Variants in CDK14 observed in about 807,000 individuals in gnomAD.
The protein encoded by CDK14 is cyclin dependent kinase 14.
In CDK14, 34 loss-of-function variants were observed where a neutral mutation model predicts 60.7. That is an observed-to-expected ratio of 0.56 (90% CI 0.43 to 0.75). The LOEUF is 0.75. CDK14 is among the 30% of genes least tolerant of loss of function. The pLI, the probability that CDK14 is intolerant of heterozygous loss-of-function variation, is 0.00. For synonymous variants in CDK14, 197 were observed against 203.7 expected (o/e 0.97, Z 0.28); for missense variants, 482 against 564.1 (o/e 0.85, Z 1.47).
intron 8 of CDK14, among the ~76,000 whole-genome samples, chr7:90,918,806 G>A (rs962876597): frequency 1.3e-5 from 2 of 152,280 alleles, no homozygotes; most frequent in African/African-American, 4.8e-5. Flanking sequence ...TTAGTAGACT[G>A]TTGAATACCT....
intron 2 of CDK14, among the ~76,000 whole-genome samples, chr7:90,693,223 T>C (rs1006771098): frequency 1.3e-5 from 2 of 152,186 alleles, no homozygotes; most frequent in Non-Finnish European, 2.9e-5. Flanking sequence ...TTAAGATTGA[T>C]GTCTAAAGGT....
chr7:91,152,514 C>A (rs1214215337), intron 14 of CDK14, among the ~76,000 whole-genome samples: 1 of 152,134 alleles, frequency 6.6e-6, no homozygotes, highest in Non-Finnish European at 1.5e-5. Context: ...GTGAAAGTTG[C>A]TTCCAGAATT....
intron 8 of CDK14, among the ~76,000 whole-genome samples, chr7:90,951,837 T>C (rs1432453736): frequency 6.6e-6 from 1 of 152,180 alleles, no homozygotes; most frequent in African/African-American, 2.4e-5. Flanking sequence ...CTGTAGGACA[T>C]CTAGCACCTA....
intron 2 of CDK14, among the ~76,000 whole-genome samples, chr7:90,700,480 T>A (rs1437673376): frequency 1.3e-5 from 2 of 152,154 alleles, no homozygotes; most frequent in African/African-American, 4.8e-5. Context: ...ATCCAGATAA[T>A]CTTCTACCAG....
At chr7:91,100,047 A>G (rs1799107723) in intron 12 of CDK14, among the ~76,000 whole-genome samples, 1 of 152,136 alleles carries the variant, frequency 6.6e-6, no homozygotes, top group Admixed American at 6.5e-5. Context: ...TTGAAGTAAA[A>G]TACTTAATAA....
intron 9 of CDK14, among the ~76,000 whole-genome samples, chr7:90,974,846 A>T (rs1033892340): frequency 6.6e-6 from 1 of 152,186 alleles, no homozygotes; most frequent in Non-Finnish European, 1.5e-5. Context: ...ATAAAATCCC[A>T]ACAGGACTTT....
Position 90,984,153 on chromosome 7 carries a change from T to C in CDK14, c.953T>C (p.Val318Ala). 1 of 1,598,522 alleles carries C rather than the reference T, an allele frequency of 6.3e-7. No individual in the cohort carries two copies. Among genetic ancestry groups the C allele is most frequent in the East Asian group, 2.2e-5 (1 of 44,774 alleles). The change falls in exon 10 of 15, where the codon GTA becomes GCA. Residue 318 changes from valine (V) to alanine (A), a missense_variant. By Grantham distance (64) the Val-to-Ala change is moderately conservative. Coordinates refer to ENST00000380050, the MANE Select transcript of CDK14 (RefSeq NM_001287135.2). ...ATTCTTTCTTCTCTCTCTAGGGGAG[T>C]AGGTTGCATCTTTGTTGAAATGATC... ...EYSTCLDMWG[V>A]GCIFVEMIQG...
intron 14 of CDK14, among the ~76,000 whole-genome samples, chr7:91,176,153 T>A (rs1160340394): frequency 4.0e-5 from 6 of 151,546 alleles, no homozygotes; most frequent in Non-Finnish European, 5.9e-5. Context: ...GGATTAAGAA[T>A]CTCACTCAAA....
At chr7:90,758,709 A>G (rs1804185360) in intron 4 of CDK14, among the ~76,000 whole-genome samples, 1 of 152,210 alleles carries the variant, frequency 6.6e-6, no homozygotes, top group Non-Finnish European at 1.5e-5. Context: ...TACATAAGTA[A>G]TTCTATATAA....
intron 6 of CDK14, among the ~76,000 whole-genome samples, chr7:90,872,677 T>G (rs936845198): frequency 7.1e-6 from 1 of 140,826 alleles, no homozygotes; most frequent in Non-Finnish European, 1.5e-5. Context: ...GTTTACATCA[T>G]ATCTATCATC....
chr7:91,047,331 T>C (rs1378378093), intron 11 of CDK14, among the ~76,000 whole-genome samples: 1 of 152,240 alleles, frequency 6.6e-6, no homozygotes, highest in East Asian at 1.9e-4. Context: ...GCCTAGTTTC[T>C]GGATTAGAAA....
At chr7:90,819,487 T>G (rs186233979) in intron 5 of CDK14, among the ~76,000 whole-genome samples, 1 of 146,582 alleles carries the variant, frequency 6.8e-6, no homozygotes, top group African/African-American at 2.5e-5. Context: ...CCTTTGGAGT[T>G]TTTTTTTTTT....
chr7:90,738,666 C>T (rs1803223945), intron 3 of CDK14, among the ~76,000 whole-genome samples: 1 of 152,180 alleles, frequency 6.6e-6, no homozygotes, highest in South Asian at 2.1e-4. Context: ...GTATCTCAAG[C>T]CTACACTCTA....
intron 12 of CDK14, among the ~76,000 whole-genome samples, chr7:91,100,926 G>T (rs1235178698): frequency 6.6e-6 from 1 of 152,168 alleles, no homozygotes; most frequent in East Asian, 1.9e-4. Flanking sequence ...TTTCCATCAG[G>T]TAGAGTTGAC....
chr7:91,061,744 T>G (rs944531363), intron 11 of CDK14, among the ~76,000 whole-genome samples: 4 of 152,238 alleles, frequency 2.6e-5, no homozygotes, highest in Admixed American at 2.0e-4. Flanking sequence ...TGTTGCTGCC[T>G]GATCGTTCCT....
intron 2 of CDK14, among the ~76,000 whole-genome samples, chr7:90,697,093 C>G (rs915675939): frequency 1.3e-5 from 2 of 152,060 alleles, no homozygotes; most frequent in Non-Finnish European, 2.9e-5. Flanking sequence ...GAAGTGGAAC[C>G]AGTTGGGATC....
chr7:90,996,402 GA>G (rs1184784644), intron 10 of CDK14, among the ~76,000 whole-genome samples: 1 of 152,082 alleles, frequency 6.6e-6, no homozygotes, highest in East Asian at 1.9e-4. Context: ...CGCCCTGCAA[GA>G]AAAAAGCCTC....
At chr7:90,724,054 ACCTGGCCCTGG>A (rs1307697225) in intron 2 of CDK14, among the ~76,000 whole-genome samples, 1 of 152,182 alleles carries the variant, frequency 6.6e-6, no homozygotes, top group African/African-American at 2.4e-5. Flanking sequence ...CAGTGGTGCC[ACCTGGCCCTGG>A]CATTATCTTT....
At chr7:90,806,873 G>A (rs1788865880) in intron 5 of CDK14, among the ~76,000 whole-genome samples, 1 of 151,948 alleles carries the variant, frequency 6.6e-6, no homozygotes, top group African/African-American at 2.4e-5. Context: ...CTCATTGCTA[G>A]CACAGCAGTC....
Sources: gnomAD v4.1 joint callset for allele counts (sites outside exome capture counted in the v4.1 genomes callset) on GRCh38, gnomAD v4.1.1 for gene constraint, MANE v1.5 for transcripts, NCBI Gene and HGNC (gene_info 2026-07-23, HGNC 2026-07-21) for gene names.